Variants in KMT2D observed in about 807,000 individuals in gnomAD.
KMT2D encodes lysine methyltransferase 2D.
A neutral mutation model predicts 512.7 loss-of-function variants in KMT2D; 55 were observed. That is an observed-to-expected ratio of 0.11 (90% confidence interval 0.09 to 0.13). The LOEUF (loss-of-function observed/expected upper bound fraction) is 0.13, where lower values mean the gene tolerates loss of function less well. KMT2D is among the 10% of genes least tolerant of loss of function. The pLI, the probability that KMT2D is intolerant of heterozygous loss-of-function variation, is 1.00. For synonymous variants in KMT2D, 2,995 were observed against 2,904.0 expected (o/e 1.03, Z -1.01); for missense variants, 6,061 against 7,127.9 (o/e 0.85, Z 5.39).
intron 49 of KMT2D, 113 bp from the exon 50 acceptor site, chr12:49,025,059 T>C: frequency 1.6e-6 from 2 of 1,238,092 alleles, no homozygotes; most frequent in East Asian, 5.1e-5. Flanking sequence ...CTCCCTATCA[T>C]GAAGTTGTGT....
Position 49,046,564 on chromosome 12 carries a change from C to A in KMT2D, c.4418+45G>T, listed in dbSNP as rs187478691. The A allele has an allele frequency of 1.5e-5, 24 of 1,584,480 alleles. No individual in the cohort carries two copies. In the East Asian group the frequency reaches 5.4e-4, roughly 36 times the overall value. On this transcript the variant is annotated intron_variant, in intron 16 of 54. Coordinates refer to ENST00000301067, the MANE Select transcript of KMT2D (RefSeq NM_003482.4). The surrounding 1 kb of genome is among the most constrained non-coding windows in gnomAD (Gnocchi z 4.2). ...ATACTCAACATCATATCCACTTTAA[C>A]ATCTCAAGGCCCCAGGGCTCCACTG... is the stretch of plus-strand genomic sequence containing the variant.
At position 49,046,144 on chromosome 12, in the gene KMT2D, G is replaced by C. The variant is rs1348873190; in HGVS notation, c.4614C>G (p.Phe1538Leu). 1 of 1,611,274 alleles carries C rather than the reference G, an allele frequency of 6.2e-7. No homozygotes were observed. The highest frequency in any genetic ancestry group is 1.1e-5 in the South Asian group (1 of 90,598). The change falls in exon 18 of 55, where the codon TTC (phenylalanine) becomes TTG (leucine). Residue 1538 changes from phenylalanine (F) to leucine (L), a missense_variant. By Grantham distance (22) the Phe-to-Leu change is conservative. This residue lies in a region of KMT2D where 640 missense variants were observed against 814.3 expected (regional missense o/e 0.79). Coordinates refer to ENST00000301067, the MANE Select transcript of KMT2D (RefSeq NM_003482.4). The surrounding 1 kb of genome is among the most constrained non-coding windows in gnomAD (Gnocchi z 4.2). The part of the protein sequence containing the change: ...RWMHAGCESL[F>L]TEDDVEQAAD... ...CTGCCTGCTCCACATCGTCCTCTGTGAAGAGGCTCTCACAGCCTGCATGCA... is the reference window on the plus strand; with the variant it reads ...CTGCCTGCTCCACATCGTCCTCTGTCAAGAGGCTCTCACAGCCTGCATGCA...
intron 36 of KMT2D, 29 bp downstream of exon 36, chr12:49,034,783 G>A (rs1244089350): frequency 1.2e-6 from 2 of 1,610,264 alleles, no homozygotes; most frequent in Admixed American, 1.7e-5. Flanking sequence ...AAAGAAAAGG[G>A]CCAACCCCAT....
At chr12:49,031,119 C>A (rs899082688) in intron 40 of KMT2D, 56 bp downstream of exon 40, 2 of 1,609,466 alleles carry the variant, frequency 1.2e-6, no homozygotes, top group African/African-American at 1.3e-5. Flanking sequence ...ACTCATTCTG[C>A]CCCCCGCTGG....
Position 49,041,612 on chromosome 12 carries a change from C to T in KMT2D, c.6234+43G>A, listed in dbSNP as rs2120549507. On this transcript the variant is annotated intron_variant, in intron 31 of 54. Coordinates refer to ENST00000301067, the MANE Select transcript of KMT2D (RefSeq NM_003482.4). The surrounding 1 kb of genome is among the most constrained non-coding windows in gnomAD (Gnocchi z 5.4). The stretch of plus-strand genomic sequence containing the variant: ...ATGGCCCTCCACCCTCAAGAGAGGC[C>T]ACCCACTAGAGGACTGCTACACCCC... 6.2e-7 allele frequency: 1 copy of T among 1,613,002 alleles called. No homozygotes were observed. The highest frequency in any genetic ancestry group is 8.5e-7 in the Non-Finnish European group (1 of 1,179,294).
chr12:49,034,945 G>A lies in KMT2D; in HGVS notation c.10232-10C>T, dbSNP rs1284177152. ...GCAAATTTGTCCAGGTCTGGAGAGG[G>A]GAGAACCAAGTGAGCTGGGCTATGG... On this transcript the variant is annotated splice_polypyrimidine_tract_variant and intron_variant, in intron 35 of 54. Coordinates refer to ENST00000301067, the MANE Select transcript of KMT2D (RefSeq NM_003482.4). 2 of 1,613,814 alleles carry A rather than the reference G, an allele frequency of 1.2e-6. No homozygotes were observed. The highest frequency in any genetic ancestry group is 1.7e-6 in the Non-Finnish European group (2 of 1,179,754).
intron 25 of KMT2D, 50 bp downstream of exon 25, chr12:49,043,313 C>CA (rs759824953): frequency 5.0e-6 from 8 of 1,590,086 alleles, no homozygotes; most frequent in Admixed American, 5.0e-5. Flanking sequence ...AGCAGAGGGA[C>CA]AGAGGCAAGC....
Position 49,053,554 on chromosome 12 carries a change from G to C in KMT2D, c.761C>G (p.Ala254Gly). 6.2e-7 allele frequency: 1 copy of C among 1,600,812 alleles called. No individual in the cohort carries two copies. Among genetic ancestry groups the C allele is most frequent in the Non-Finnish European group, 8.5e-7 (1 of 1,173,754 alleles). The stretch of plus-strand genomic sequence containing the variant: ...GGCAGTCAGAGCAGTGTCCAGGCAG[G>C]CCCCGTGATAGTGATGCCCACAGCT... ...CTSCGHHYHG[A>G]CLDTALTARK... The change falls in exon 7 of 55, where the codon GCC becomes GGC. Residue 254 changes from alanine (A) to glycine (G), a missense_variant. By Grantham distance (60) the Ala-to-Gly change is moderately conservative. Transcript: ENST00000301067.
In KMT2D at chr12:49,039,307, G is replaced by C. The variant is rs1326846745; in HGVS notation, c.8281C>G (p.Leu2761Val). 1 of 1,613,728 alleles carries C rather than the reference G, an allele frequency of 6.2e-7. No individual in the cohort carries two copies. Among genetic ancestry groups the C allele is most frequent in the South Asian group, 1.1e-5 (1 of 91,084 alleles). The change falls in exon 34 of 55, where the codon CTG becomes GTG. Residue 2761 changes from leucine (L) to valine (V), a missense_variant. Physicochemically the swap from Leu to Val is conservative, Grantham distance 32 (BLOSUM62 1). This residue lies in a region of KMT2D where 527 missense variants were observed against 578.9 expected (regional missense o/e 0.91). Coordinates refer to ENST00000301067, the MANE Select transcript of KMT2D (RefSeq NM_003482.4). This position sits in a 1 kb window ranked among gnomAD's most constrained non-coding sequence, Gnocchi z 5.0. The stretch of plus-strand genomic sequence containing the variant: ...TCGCTAGGGAAGGACCCTGGCCCCA[G>C]GATGGGGCCACTCAGCTTGCTTGGG... The part of the protein sequence containing the change: ...LPPSKLSGPI[L>V]GPGSFPSDDR...
Position 49,019,185 on chromosome 12 carries a change from C to T in KMT2D, c.*2595G>A. 1 of 1,099,092 alleles carries T rather than the reference C, an allele frequency of 9.1e-7. No individual in the cohort carries two copies. Among genetic ancestry groups the T allele is most frequent in the Non-Finnish European group, 1.1e-6 (1 of 892,180 alleles). 68.1% of individuals were successfully genotyped at this position (1,099,092 alleles called of 1,614,324 possible). A position where few individuals can be genotyped will look rare whatever the true frequency, so the allele number is the denominator to read the frequency against. On this transcript the variant is annotated 3_prime_UTR_variant, in exon 55 of 55. Coordinates refer to ENST00000301067, the MANE Select transcript of KMT2D (RefSeq NM_003482.4). ...CCATTTCATCCGTTGTTACGAAGGA[C>T]CAACCTTGCTGTACAGGATACACAC...
rs991697137 is a variant in KMT2D at position 49,021,613 on chromosome 12, C to T, written c.*167G>A. ...GATTGTCCCTGGTGCCCAGGGTGGG[C>T]TTGGCCTAGGGCCCTCTGCCCCAGC... On this transcript the variant is annotated 3_prime_UTR_variant, in exon 55 of 55. Transcript: ENST00000301067. The T allele has an allele frequency of 1.5e-5, 9 of 603,872 alleles. No homozygotes were observed. The African/African-American group carries it at 1.7e-4, about 11-fold the overall frequency. 37.4% of individuals were successfully genotyped at this position (603,872 alleles called of 1,614,324 possible).
Position 49,041,471 on chromosome 12 carries a change from G to A in KMT2D, c.6299C>T (p.Pro2100Leu), listed in dbSNP as rs199761931. ...VGDIARKTDR[P>L]ALHLRIPPQP... ...CGGGGGAATGCGGAGATGTAGGGCC[G>A]GTCGGTCAGTCTTACGGGCTATGTC... Residue 2100 changes from proline (P) to leucine (L), a missense_variant, in exon 32 of 55, where the codon CCG (proline) becomes CTG (leucine). Pro to Leu is a moderately conservative substitution (Grantham distance 98). Transcript: ENST00000301067. The surrounding 1 kb of genome is among the most constrained non-coding windows in gnomAD (Gnocchi z 5.4). 2.7e-5 allele frequency: 43 copies of A among 1,613,236 alleles called. No individual in the cohort carries two copies. Among genetic ancestry groups the A allele is most frequent in the East Asian group, 2.0e-4 (9 of 44,886 alleles).
intron 15 of KMT2D, among the ~76,000 whole-genome samples, chr12:49,047,007 G>T (rs1357230422): frequency 6.6e-6 from 1 of 151,848 alleles, no homozygotes; most frequent in Non-Finnish European, 1.5e-5. Flanking sequence ...CACCACACCT[G>T]GCTAATTTTT....
Position 49,038,344 on chromosome 12 carries a change from C to T in KMT2D, c.9012G>A (p.Glu3004=), listed in dbSNP as rs1943323531. 1.9e-6 allele frequency: 3 copies of T among 1,613,926 alleles called. No homozygotes were observed. Among genetic ancestry groups the T allele is most frequent in the African/African-American group, 1.3e-5 (1 of 75,038 alleles). Residue 3004 remains glutamate, a synonymous_variant, in exon 35 of 55, where the codon GAG becomes GAA. Coordinates refer to ENST00000301067, the MANE Select transcript of KMT2D (RefSeq NM_003482.4). The surrounding 1 kb of genome is among the most constrained non-coding windows in gnomAD (Gnocchi z 5.7). ...CCAGGTGAGCAAGCTCTTCATCATCCTCTAGGGCCTTGTGGGCATCAAAAT... is the reference window on the plus strand; with the variant it reads ...CCAGGTGAGCAAGCTCTTCATCATCTTCTAGGGCCTTGTGGGCATCAAAAT... ...DDDFDAHKAL[E]DDEELAHLGL... is the part of the protein sequence containing the mutation.
chr12:49,051,733 T>C lies in KMT2D; in HGVS notation c.1950A>G (p.Val650=), dbSNP rs1938048686. 2 of 888,144 alleles carry C rather than the reference T, an allele frequency of 2.3e-6. No homozygotes were observed. Among genetic ancestry groups the C allele is most frequent in the Non-Finnish European group, 3.2e-6 (2 of 619,276 alleles). The allele number at this position is 888,144 out of a possible 1,614,324, so 55.0% of individuals were successfully genotyped here. Residue 650 remains valine, a synonymous_variant, in exon 11 of 55, where the codon GTA becomes GTG. Transcript: ENST00000301067. ...EESPMSPPPE[V]SRLSPLPVVS... Reference sequence around the variant, plus strand: ...CCACAGGCAGGGGGGATAGGCGCGATACCTCAGGTGGGGGGGACATAGGTG... The same window carrying C: ...CCACAGGCAGGGGGGATAGGCGCGACACCTCAGGTGGGGGGGACATAGGTG...
Position 49,038,752 on chromosome 12 carries a change from C to A in KMT2D, c.8604G>T (p.Val2868=), listed in dbSNP as rs751130682. Residue 2868 remains valine (V), a synonymous_variant, in exon 35 of 55, where the codon GTG becomes GTT. Coordinates refer to ENST00000301067, the MANE Select transcript of KMT2D (RefSeq NM_003482.4). The surrounding 1 kb of genome is among the most constrained non-coding windows in gnomAD (Gnocchi z 5.7). The part of the protein sequence containing the change: ...STRLPGPGEP[V]PGPAGPAQFI... ...ACTGGGCAGGACCAGCTGGACCAGG[C>A]ACTGGCTCACCAGGGCCTGGCAGAC... 2.5e-6 allele frequency: 4 copies of A among 1,605,686 alleles called. No homozygotes were observed. The highest frequency in any genetic ancestry group is 2.2e-5 in the East Asian group (1 of 44,538).
Position 49,042,511 on chromosome 12 carries a change from A to C in KMT2D, c.5867+50T>G. 1 of 1,585,886 alleles carries C rather than the reference A, an allele frequency of 6.3e-7. No homozygotes were observed. Among genetic ancestry groups the C allele is most frequent in the Non-Finnish European group, 8.6e-7 (1 of 1,160,356 alleles). On this transcript the variant is annotated intron_variant, in intron 28 of 54. Transcript: ENST00000301067. The surrounding 1 kb of genome is among the most constrained non-coding windows in gnomAD (Gnocchi z 4.4). The stretch of plus-strand genomic sequence containing the variant: ...GGAGGCAAAGCATGAACTCAGATGG[A>C]GGGAAAGGACAACGAGGACTGCCCA...
chr12:49,059,912 G>C lies in KMT2D; in HGVS notation c.-337C>G, dbSNP rs1592169658. 1.3e-5 allele frequency: 2 copies of C among 152,062 alleles called. No homozygotes were observed. The highest frequency in any genetic ancestry group is 3.9e-4 in the East Asian group (2 of 5,136). The allele number at this position is 152,062 out of a possible 1,614,324, so 9.4% of individuals were successfully genotyped here. A position where few individuals can be genotyped will look rare whatever the true frequency, so the allele number is the denominator to read the frequency against. On this transcript the variant is annotated 5_prime_UTR_variant, in exon 1 of 55. Coordinates refer to ENST00000301067, the MANE Select transcript of KMT2D (RefSeq NM_003482.4). Reference sequence around the variant, plus strand: ...CGGTGGCTTTGATCTTGGGCGAGCAGGCTCCGCATCCGCGTCGCCGGGCGG... The same window carrying C: ...CGGTGGCTTTGATCTTGGGCGAGCACGCTCCGCATCCGCGTCGCCGGGCGG...
In KMT2D at chr12:49,052,011, G is replaced by A. The variant is rs587778451; in HGVS notation, c.1672C>T (p.Pro558Ser). 9 of 1,613,408 alleles carry A rather than the reference G, an allele frequency of 5.6e-6. No individual in the cohort carries two copies. In the Admixed American group the frequency reaches 1.2e-4, roughly 21 times the overall value. Reference protein sequence around the residue: ...PFEESPLSPPPEELPTSPPPE... With the variant: ...PFEESPLSPPSEELPTSPPPE... ...GGCGGGGAAGTGGGCAATTCCTCAG[G>A]TGGCGGGGACAAAGGAGATTCTTCA... Residue 558 changes from proline (P) to serine (S), a missense_variant, in exon 11 of 55, where the codon CCT becomes TCT. Transcript: ENST00000301067.
Sources: allele counts gnomAD v4.1 joint callset (sites outside exome capture counted in the v4.1 genomes callset), GRCh38; gene constraint gnomAD v4.1.1; regional missense constraint gnomAD v4.1.1; non-coding constraint Gnocchi (gnomAD v3.1); transcripts MANE v1.5; gene names NCBI Gene and HGNC (gene_info 2026-07-23, HGNC 2026-07-21).